Variants in KHDRBS3 observed in about 807,000 individuals in gnomAD.
KHDRBS3 encodes KH RNA binding domain containing, signal transduction associated 3.
Under a neutral mutation model 45.6 loss-of-function variants are expected in KHDRBS3, and 23 were observed. The observed-to-expected ratio is 0.50, with a 90% CI of 0.36 to 0.72. The LOEUF (loss-of-function observed/expected upper bound fraction) is 0.72, where lower values mean the gene tolerates loss of function less well. Ranked by LOEUF, KHDRBS3 falls within the 30% of genes least tolerant of loss-of-function variation. The pLI is 0.00. For missense variants in KHDRBS3, 352 were observed against 424.8 expected (o/e 0.83, Z 1.51); for synonymous variants, 162 against 156.5 (o/e 1.04, Z -0.26).
Position 135,647,185 on chromosome 8 carries a change from A to G in KHDRBS3, c.*101A>G. 2.4e-6 allele frequency: 1 copy of G among 421,002 alleles called. No individual in the cohort carries two copies. The highest frequency in any genetic ancestry group is 7.3e-5 in the South Asian group (1 of 13,652). The allele number at this position is 421,002 out of a possible 1,614,324, so 26.1% of individuals were successfully genotyped here. On this transcript the variant is annotated 3_prime_UTR_variant, in exon 9 of 9. Coordinates refer to ENST00000355849, the MANE Select transcript of KHDRBS3 (RefSeq NM_006558.3). Reference sequence around the variant, plus strand: ...ACAATCCCTTTTTAAATAAATCAGAATGCTTAAAATCTGAATGGATGGAAC... The same window carrying G: ...ACAATCCCTTTTTAAATAAATCAGAGTGCTTAAAATCTGAATGGATGGAAC...
chr8:135,638,295 G>A (rs575467500), intron 7 of KHDRBS3, among the ~76,000 whole-genome samples: 2 of 152,222 alleles, frequency 1.3e-5, no homozygotes, highest in South Asian at 2.1e-4. Context: ...GCCAAACCTC[G>A]GGTAGTCCCA....
intron 4 of KHDRBS3, among the ~76,000 whole-genome samples, chr8:135,552,770 T>C (rs147894665): frequency 7.9e-5 from 12 of 152,286 alleles, no homozygotes; most frequent in African/African-American, 2.2e-4. Flanking sequence ...TTCTTGCGTT[T>C]ATTTTTAAAC....
intron 2 of KHDRBS3, among the ~76,000 whole-genome samples, chr8:135,529,776 G>A (rs1327495678): frequency 2.6e-5 from 4 of 152,110 alleles, no homozygotes; most frequent in Non-Finnish European, 5.9e-5. Context: ...ATTAAAGTGT[G>A]TGGGCTGGGT....
At chr8:135,485,842 T>TTATATCTATATATATATATATATATA (rs1822829204) in intron 1 of KHDRBS3, among the ~76,000 whole-genome samples, 1 of 120,346 alleles carries the variant, frequency 8.3e-6, no homozygotes, top group African/African-American at 3.7e-5. Flanking sequence ...CATTTCAAGT[T>TTATATCTATATATATATATATATATA]TATATATATA....
chr8:135,571,129 T>A (rs1827682177), intron 5 of KHDRBS3, among the ~76,000 whole-genome samples: 1 of 152,188 alleles, frequency 6.6e-6, no homozygotes, highest in African/African-American at 2.4e-5. Flanking sequence ...CCAGCACTTT[T>A]ACATGTCCCG....
intron 7 of KHDRBS3, among the ~76,000 whole-genome samples, chr8:135,612,813 G>A (rs1829759779): frequency 6.6e-6 from 1 of 151,744 alleles, no homozygotes. Context: ...GTGGACCCTT[G>A]ACCCGTGGCC....
intron 2 of KHDRBS3, among the ~76,000 whole-genome samples, 155 bp downstream of exon 2, chr8:135,521,510 T>G (rs11994089): frequency 0.039 from 5,913 of 152,324 alleles, 147 homozygotes; most frequent in African/African-American, 0.064. Flanking sequence ...GTAAATTTAT[T>G]CATTCTGTCT....
chr8:135,530,282 C>A (rs959774261), intron 2 of KHDRBS3, among the ~76,000 whole-genome samples: 7 of 152,080 alleles, frequency 4.6e-5, no homozygotes, highest in Non-Finnish European at 7.4e-5. Flanking sequence ...CCATAAGGAT[C>A]ACCAAATTGG....
intron 6 of KHDRBS3, among the ~76,000 whole-genome samples, chr8:135,605,297 A>C (rs1829407708): frequency 6.6e-6 from 1 of 151,940 alleles, no homozygotes; most frequent in Non-Finnish European, 1.5e-5. Flanking sequence ...ATGCTGTCCC[A>C]TAGGTCTCTG....
intron 1 of KHDRBS3, among the ~76,000 whole-genome samples, chr8:135,476,430 C>T (rs1026158107): frequency 2.0e-5 from 3 of 152,138 alleles, no homozygotes; most frequent in African/African-American, 7.2e-5. Flanking sequence ...GCATGAACCA[C>T]GGCGCCCGAC....
chr8:135,484,043 G>C (rs893241232), intron 1 of KHDRBS3, among the ~76,000 whole-genome samples: 1 of 152,146 alleles, frequency 6.6e-6, no homozygotes, highest in African/African-American at 2.4e-5. Flanking sequence ...TGTCCTGGGG[G>C]AAGTAATTTA....
At chr8:135,543,834 T>A (rs1478797288) in intron 3 of KHDRBS3, among the ~76,000 whole-genome samples, 1 of 152,204 alleles carries the variant, frequency 6.6e-6, no homozygotes, top group Non-Finnish European at 1.5e-5. Context: ...TTCGACAGCA[T>A]TGGAAAACAT....
intron 7 of KHDRBS3, among the ~76,000 whole-genome samples, chr8:135,635,015 T>C (rs975808401): frequency 2.0e-5 from 3 of 152,202 alleles, no homozygotes; most frequent in Non-Finnish European, 2.9e-5. Context: ...AGTACATTGC[T>C]GTGGTGTGGG....
At chr8:135,555,668 A>C (rs1258092523) in intron 4 of KHDRBS3, among the ~76,000 whole-genome samples, 1 of 152,200 alleles carries the variant, frequency 6.6e-6, no homozygotes, top group African/African-American at 2.4e-5. Flanking sequence ...ACTACTTAAA[A>C]AAGCAGTTGA....
chr8:135,629,269 G>A (rs1215467804), intron 7 of KHDRBS3, among the ~76,000 whole-genome samples: 1 of 152,202 alleles, frequency 6.6e-6, no homozygotes, highest in Non-Finnish European at 1.5e-5. Flanking sequence ...AAGGATAATA[G>A]TCACCATTTA....
chr8:135,592,635 G>C (rs557884035), intron 6 of KHDRBS3, among the ~76,000 whole-genome samples: 1 of 152,220 alleles, frequency 6.6e-6, no homozygotes, highest in African/African-American at 2.4e-5. Flanking sequence ...GTAATTTTCT[G>C]TCTACCCTCT....
At chr8:135,603,944 GTTTTT>G (rs66761097) in intron 6 of KHDRBS3, among the ~76,000 whole-genome samples, 2 of 150,666 alleles carry the variant, frequency 1.3e-5, no homozygotes. Context: ...TTGTTCAAAT[GTTTTT>G]TTTTTCTTTT....
chr8:135,650,452 G>T (rs1188159084), downstream of KHDRBS3, among the ~76,000 whole-genome samples: 4 of 152,140 alleles, frequency 2.6e-5, no homozygotes, highest in Non-Finnish European at 5.9e-5. Flanking sequence ...TAAAAGCCAA[G>T]CATGTGCTTA....
rs57082119 is a variant in KHDRBS3 at position 135,645,992 on chromosome 8, A to ATTTT, written c.949+902_949+905dup. On this transcript the variant is annotated intron_variant, in intron 8 of 8. Transcript: ENST00000355849. ...TGAAGCTGTGATGGCTGCACCTTGG[A>ATTTT]TTTTTTTTTTTTTTTTTTTTTTTTT... is the stretch of plus-strand genomic sequence containing the variant. Among the ~76,000 whole-genome samples, 44 of 100,708 alleles carry ATTTT rather than the reference A, an allele frequency of 4.4e-4. 1 individual carries two copies. Among genetic ancestry groups the ATTTT allele is most frequent in the Middle Eastern group, 8.5e-3 (1 of 118 alleles). The allele number at this position is 100,708 out of a possible 152,430, so 66.1% of individuals were successfully genotyped here. A position where few individuals can be genotyped will look rare whatever the true frequency, so the allele number is the denominator to read the frequency against.
Sources: gnomAD v4.1 joint callset for allele counts (sites outside exome capture counted in the v4.1 genomes callset) on GRCh38, gnomAD v4.1.1 for gene constraint, MANE v1.5 for transcripts, NCBI Gene and HGNC (gene_info 2026-07-23, HGNC 2026-07-21) for gene names.